The following ABTB2 variants were observed in gnomAD, a reference collection of about 807,000 sequenced individuals.
The protein encoded by ABTB2 is ankyrin repeat and BTB domain containing 2.
A neutral mutation model predicts 104.1 loss-of-function variants in ABTB2; 56 were observed. The observed-to-expected ratio is 0.54, with a 90% CI of 0.43 to 0.67. The LOEUF is 0.67. ABTB2 is among the 30% of genes least tolerant of loss of function. The pLI is 0.00. For synonymous variants in ABTB2, 606 were observed against 608.2 expected (o/e 1.00, Z 0.05); for missense variants, 1,279 against 1,407.7 (o/e 0.91, Z 1.46).
chr11:34,153,401 G>T (rs1241206653), intron 16 of ABTB2, among the ~76,000 whole-genome samples: 1 of 152,112 alleles, frequency 6.6e-6, no homozygotes, highest in African/African-American at 2.4e-5. Context: ...TTGAGACAAA[G>T]TCTTGCTCTT....
At chr11:34,235,971 C>T (rs1206924427) in intron 1 of ABTB2, among the ~76,000 whole-genome samples, 1 of 152,202 alleles carries the variant, frequency 6.6e-6, no homozygotes, top group Non-Finnish European at 1.5e-5. Context: ...AGCTTCCCTG[C>T]TGCCCACACT....
At chr11:34,158,390 G>A (rs1403740415) in intron 14 of ABTB2, among the ~76,000 whole-genome samples, 2 of 152,112 alleles carry the variant, frequency 1.3e-5, no homozygotes, top group Non-Finnish European at 1.5e-5. Flanking sequence ...TCCAGCCTGG[G>A]CGACAGTGAG....
At chr11:34,330,577 T>C (rs867949320) in intron 1 of ABTB2, among the ~76,000 whole-genome samples, 2 of 152,330 alleles carry the variant, frequency 1.3e-5, no homozygotes, top group Middle Eastern at 3.4e-3. Context: ...TGTCATCACC[T>C]CTCATTCCTA....
chr11:34,307,091 G>A (rs12787084), intron 1 of ABTB2, among the ~76,000 whole-genome samples: 2 of 151,476 alleles, frequency 1.3e-5, no homozygotes, highest in Non-Finnish European at 2.9e-5. Flanking sequence ...CTCCCTGAAT[G>A]AATTCGTCTG....
intron 1 of ABTB2, among the ~76,000 whole-genome samples, chr11:34,332,574 G>T (rs949329215): frequency 6.6e-6 from 1 of 152,046 alleles, no homozygotes; most frequent in African/African-American, 2.4e-5. Context: ...AGAAAAACTG[G>T]CTCCTCCAGC....
intron 3 of ABTB2, among the ~76,000 whole-genome samples, chr11:34,192,415 C>A (rs567589694): frequency 6.6e-6 from 1 of 152,268 alleles, no homozygotes; most frequent in Admixed American, 6.5e-5. Context: ...ATCTCAAATG[C>A]ACGCCTTTGA....
At chr11:34,228,638 A>C (rs1344209236) in intron 1 of ABTB2, among the ~76,000 whole-genome samples, 2 of 151,996 alleles carry the variant, frequency 1.3e-5, no homozygotes, top group African/African-American at 2.4e-5. Flanking sequence ...TCAGCCTCCC[A>C]AAATGCTGAG....
intron 1 of ABTB2, among the ~76,000 whole-genome samples, chr11:34,240,769 T>G (rs1002983505): frequency 2.8e-5 from 3 of 105,642 alleles, no homozygotes; most frequent in Non-Finnish European, 4.2e-5. Flanking sequence ...ATTTTTTAAG[T>G]TTTTAGTGGA....
At chr11:34,293,848 C>A (rs974967298) in intron 1 of ABTB2, among the ~76,000 whole-genome samples, 11 of 152,128 alleles carry the variant, frequency 7.2e-5, no homozygotes, top group African/African-American at 2.7e-4. Flanking sequence ...CCTCAGCCTC[C>A]CAAGTAGCTG....
chr11:34,212,504 C>T (rs575047927), intron 1 of ABTB2, among the ~76,000 whole-genome samples: 4 of 152,182 alleles, frequency 2.6e-5, no homozygotes, highest in Admixed American at 6.5e-5. Flanking sequence ...ACCCCATTTG[C>T]CAGCGAGGGA....
chr11:34,164,846 G>T, intron 8 of ABTB2, 25 bp from the exon 9 acceptor site: 1 of 1,581,114 alleles, frequency 6.3e-7, no homozygotes, highest in Middle Eastern at 1.7e-4. Context: ...GGGCAGCACG[G>T]AGGACACTGA....
At chr11:34,229,468 G>A (rs1275303328) in intron 1 of ABTB2, among the ~76,000 whole-genome samples, 2 of 147,270 alleles carry the variant, frequency 1.4e-5, no homozygotes, top group Admixed American at 1.4e-4. Flanking sequence ...GTGACAGAGT[G>A]AGACTCCATC....
In ABTB2 at chr11:34,162,629, T is replaced by C; in HGVS notation, c.2165A>G (p.Tyr722Cys). 1 of 1,613,626 alleles carries C rather than the reference T, an allele frequency of 6.2e-7. No homozygotes were observed. Residue 722 changes from tyrosine (Y) to cysteine (C), a missense_variant, in exon 10 of 17, where the codon TAC (tyrosine) becomes TGC (cysteine). By Grantham distance (194) the Tyr-to-Cys change is radical. Coordinates refer to ENST00000435224, the MANE Select transcript of ABTB2 (RefSeq NM_145804.3). ...TRTKALQEAM[Y>C]YSAEHGYVDI... ...CACGTAGCCGTGCTCAGCGCTGTAG[T>C]ACATGGCCTCCTGTAGGGCCTTGGT...
intron 1 of ABTB2, among the ~76,000 whole-genome samples, chr11:34,270,637 G>A (rs2133080203): frequency 6.6e-6 from 1 of 152,330 alleles, no homozygotes; most frequent in South Asian, 2.1e-4. Flanking sequence ...ACCGTGCCCA[G>A]CCTGAGGGCT....
chr11:34,164,566 C>T, intron 9 of ABTB2, 120 bp downstream of exon 9: 1 of 1,212,584 alleles, frequency 8.2e-7, no homozygotes, highest in South Asian at 2.1e-5. Flanking sequence ...GCACACAGGC[C>T]CCCTGTTTTG....
intron 1 of ABTB2, among the ~76,000 whole-genome samples, chr11:34,286,761 T>C (rs1403365406): frequency 6.6e-6 from 1 of 152,200 alleles, no homozygotes; most frequent in Non-Finnish European, 1.5e-5. Flanking sequence ...AACAAAAGCC[T>C]TTTAGCTAGG....
intron 1 of ABTB2, among the ~76,000 whole-genome samples, chr11:34,351,417 G>C (rs931076294): frequency 6.7e-5 from 10 of 148,710 alleles, no homozygotes; most frequent in Non-Finnish European, 1.5e-4. Context: ...CCTTCCTCTT[G>C]GGTATTGTAC....
rs946915507 is a variant in ABTB2, at chr11:34,151,893, T to G, written c.*494A>C. ...GGGGATTTGGGCAGCCTTTGCTATGTGACATTTAGGAAGAAAAATACCAGC... is the reference window on the plus strand; with the variant it reads ...GGGGATTTGGGCAGCCTTTGCTATGGGACATTTAGGAAGAAAAATACCAGC... On this transcript the variant is annotated 3_prime_UTR_variant, in exon 17 of 17. Transcript: ENST00000435224. The G allele has an allele frequency of 6.4e-6, 1 of 155,848 alleles. No homozygotes were observed. Among genetic ancestry groups the G allele is most frequent in the Middle Eastern group, 3.4e-3 (1 of 298 alleles). The allele number at this position is 155,848 out of a possible 1,614,324, so 9.7% of individuals were successfully genotyped here. A position where few individuals can be genotyped will look rare whatever the true frequency, so the allele number is the denominator to read the frequency against.
chr11:34,191,325 A>G (rs1853172703), intron 3 of ABTB2, among the ~76,000 whole-genome samples: 1 of 152,210 alleles, frequency 6.6e-6, no homozygotes, highest in Non-Finnish European at 1.5e-5. Flanking sequence ...AACCCAGAGC[A>G]CTGACACGTT....
Sources: allele counts gnomAD v4.1 joint callset (sites outside exome capture counted in the v4.1 genomes callset), GRCh38; gene constraint gnomAD v4.1.1; transcripts MANE v1.5; gene names NCBI Gene and HGNC (gene_info 2026-07-23, HGNC 2026-07-21).